Variants in TLN2 observed in about 807,000 individuals in gnomAD.
The protein encoded by TLN2 is talin 2, also known as talin-2.
In TLN2, 118 loss-of-function variants were observed where a neutral mutation model predicts 294.7. The observed-to-expected ratio is 0.40, with a 90% CI of 0.34 to 0.47. The LOEUF (loss-of-function observed/expected upper bound fraction) is 0.47. Ranked by LOEUF, TLN2 falls within the 20% of genes least tolerant of loss-of-function variation. The probability of loss-of-function intolerance (pLI) is 0.84; values close to 1 mark genes in which losing one functional copy is unlikely to be tolerated. For synonymous variants in TLN2, 1,431 were observed against 1,304.5 expected, an observed-to-expected ratio of 1.10 and a Z score of -2.09; for missense variants, 3,083 against 3,282.2, an observed-to-expected ratio of 0.94 and a Z score of 1.48.
chr15:62,830,176 A>C (rs1309442136), intron 54 of TLN2: 1 of 152,194 alleles, frequency 6.6e-6, no homozygotes, highest in Non-Finnish European at 1.5e-5. Flanking sequence ...AGAAGCGAGG[A>C]TTCCGTTATC....
intron 1 of TLN2, among the ~76,000 whole-genome samples, chr15:62,562,906 T>TCACACACACACACA (rs61578830): frequency 3.1e-4 from 31 of 99,312 alleles, no homozygotes; most frequent in East Asian, 1.1e-3. Flanking sequence ...TAGTATTCCA[T>TCACACACACACACA]CACACACACA....
intron 11 of TLN2, 33 bp from the exon 12 acceptor site, chr15:62,686,608 A>G: frequency 6.3e-7 from 1 of 1,593,584 alleles, no homozygotes; most frequent in Non-Finnish European, 8.6e-7. Context: ...TATTCAGAAG[A>G]AGAGCACTGA....
chr15:62,619,041 T>C (rs2048545865), intron 3 of TLN2, among the ~76,000 whole-genome samples: 1 of 152,196 alleles, frequency 6.6e-6, no homozygotes, highest in Admixed American at 6.5e-5. Flanking sequence ...TGTTTTCTGT[T>C]CTTAGTTTGG....
chr15:62,776,175 C>T (rs1185001200), intron 42 of TLN2, among the ~76,000 whole-genome samples: 2 of 152,190 alleles, frequency 1.3e-5, no homozygotes, highest in African/African-American at 4.8e-5. Flanking sequence ...GAAACACCTA[C>T]TTCCTAATAT....
chr15:62,789,508 A>G (rs1475246438), intron 45 of TLN2, among the ~76,000 whole-genome samples: 1 of 152,154 alleles, frequency 6.6e-6, no homozygotes, highest in Non-Finnish European at 1.5e-5. Context: ...GTATGTTTTT[A>G]GAGCGTAGCC....
chr15:62,403,794 A>G (rs2033198832), intron 1 of TLN2, among the ~76,000 whole-genome samples: 1 of 152,212 alleles, frequency 6.6e-6, no homozygotes, highest in African/African-American at 2.4e-5. Context: ...GAATCTCTCC[A>G]GGATCACCTC....
chr15:62,794,060 T>C (rs1567619404), intron 46 of TLN2, among the ~76,000 whole-genome samples: 1 of 152,058 alleles, frequency 6.6e-6, no homozygotes, highest in Non-Finnish European at 1.5e-5. Flanking sequence ...ATTGAAGTTA[T>C]TCTTGCCAAG....
At chr15:62,791,888 A>G (rs1258105009) in intron 45 of TLN2, among the ~76,000 whole-genome samples, 1 of 152,230 alleles carries the variant, frequency 6.6e-6, no homozygotes, top group Non-Finnish European at 1.5e-5. Flanking sequence ...TTACACCTTA[A>G]AGGAGACAGC....
chr15:62,414,494 A>C (rs1299885707), intron 1 of TLN2, among the ~76,000 whole-genome samples: 2 of 139,726 alleles, frequency 1.4e-5, no homozygotes, highest in Non-Finnish European at 3.0e-5. Flanking sequence ...TACAAATGCA[A>C]ATTCTCCAAC....
In TLN2 at chr15:62,539,778, A is replaced by G. The variant is rs191957566; in HGVS notation, c.-237-49909A>G. Among the ~76,000 whole-genome samples, 510 of 152,004 alleles carry G rather than the reference A, an allele frequency of 3.4e-3. 6 individuals carry two copies. Among genetic ancestry groups the G allele is most frequent in the African/African-American group, 0.011 (443 of 41,370 alleles). On this transcript the variant is annotated intron_variant, in intron 1 of 58. Transcript: ENST00000636159. ...GTTTAAGGAGTGCTTCTTGCTGTCT[A>G]TCTGGCCATCATCTACCCTTTTGTT...
intron 25 of TLN2, among the ~76,000 whole-genome samples, chr15:62,720,791 C>T (rs1188090224): frequency 6.6e-6 from 1 of 151,918 alleles, no homozygotes; most frequent in East Asian, 1.9e-4. Flanking sequence ...CTATACTCTT[C>T]ATTTAACTTT....
chr15:62,693,991 CAG>C (rs1160586732), intron 13 of TLN2, among the ~76,000 whole-genome samples: 1 of 119,348 alleles, frequency 8.4e-6, no homozygotes, highest in African/African-American at 3.5e-5. Context: ...TTTTTTGAGA[CAG>C]AGTCTCCCTC....
intron 1 of TLN2, among the ~76,000 whole-genome samples, chr15:62,575,605 A>AAAAAAAC (rs1555433516): frequency 4.0e-5 from 6 of 149,990 alleles, no homozygotes; most frequent in African/African-American, 1.5e-4. Context: ...TCACTTAAAA[A>AAAAAAAC]ACACACACAC....
chr15:62,479,243 A>T (rs1465781820), intron 1 of TLN2, among the ~76,000 whole-genome samples: 2 of 152,142 alleles, frequency 1.3e-5, no homozygotes, highest in Non-Finnish European at 2.9e-5. Flanking sequence ...CCTGGGCCTC[A>T]TATAGGCATC....
chr15:62,690,018 G>C (rs2057677181), intron 12 of TLN2, among the ~76,000 whole-genome samples: 2 of 46,804 alleles, frequency 4.3e-5, no homozygotes, highest in African/African-American at 7.4e-5. Flanking sequence ...CGGGCAGAGG[G>C]GCTCCTCACT....
At chr15:62,780,197 G>A (rs1456349411) in intron 43 of TLN2, among the ~76,000 whole-genome samples, 1 of 152,334 alleles carries the variant, frequency 6.6e-6, no homozygotes, top group East Asian at 1.9e-4. Flanking sequence ...ATTAATTTCT[G>A]TTCACTTTGT....
intron 54 of TLN2, among the ~76,000 whole-genome samples, chr15:62,825,864 ATAT>A (rs1257850870): frequency 1.0e-5 from 1 of 95,568 alleles, no homozygotes; most frequent in African/African-American, 4.7e-5. Context: ...ATATATATAT[ATAT>A]TTATATATAT....
chr15:62,427,608 C>T (rs1039038875), intron 1 of TLN2, among the ~76,000 whole-genome samples: 1 of 152,164 alleles, frequency 6.6e-6, no homozygotes, highest in African/African-American at 2.4e-5. Flanking sequence ...CACCCCTCCC[C>T]TTCCGCAGCA....
chr15:62,503,417 T>C (rs1279702696), intron 1 of TLN2, among the ~76,000 whole-genome samples: 1 of 152,166 alleles, frequency 6.6e-6, no homozygotes, highest in African/African-American at 2.4e-5. Flanking sequence ...ACTTCAACTT[T>C]TAGCACTGAT....
Sources: allele counts gnomAD v4.1 joint callset (sites outside exome capture counted in the v4.1 genomes callset), GRCh38; gene constraint gnomAD v4.1.1; transcripts MANE v1.5; gene names NCBI Gene and HGNC (gene_info 2026-07-23, HGNC 2026-07-21).